DNAH12: variants seen among roughly 807,000 people sequenced by gnomAD.
DNAH12 encodes the protein dynein axonemal heavy chain 12.
In DNAH12, 285 loss-of-function variants were observed where a neutral mutation model predicts 371.5. The ratio of observed to expected loss-of-function variants is 0.77; its 90% CI spans 0.70 to 0.85. DNAH12 has a LOEUF of 0.85. Among genes scored for constraint, DNAH12 ranks in the 40% least tolerant of loss-of-function variants. The probability of loss-of-function intolerance (pLI) is 0.00; values close to 1 mark genes in which losing one functional copy is unlikely to be tolerated. For synonymous variants in DNAH12, 1,200 were observed against 1,213.0 expected, an observed-to-expected ratio of 0.99 and a Z score of 0.22; for missense variants, 3,611 against 3,689.4, an observed-to-expected ratio of 0.98 and a Z score of 0.55.
At position 57,386,509 on chromosome 3, in the gene DNAH12, G is replaced by C. The variant is rs2063502068; in HGVS notation, c.7534C>G (p.Gln2512Glu). Residue 2512 changes from glutamine (Q) to glutamate (E), a missense_variant, in exon 47 of 74, where the codon CAA becomes GAA. Coordinates refer to ENST00000495027, the MANE Select transcript of DNAH12 (RefSeq NM_001366028.2). ...CGTTGTTTTGCTTCCATGACAGCTTGTCGCTTCTGTGTCAAAAGCTGTCGA... is the reference window on the plus strand; with the variant it reads ...CGTTGTTTTGCTTCCATGACAGCTTCTCGCTTCTGTGTCAAAAGCTGTCGA... ...SFRQLLTQKRQAVMEAKQRYM... is the reference protein window; with the variant it reads ...SFRQLLTQKREAVMEAKQRYM... The C allele has an allele frequency of 2.0e-5, 3 of 152,126 alleles. No homozygotes were observed. The South Asian group carries it at 6.2e-4, about 32-fold the overall frequency. The allele number at this position is 152,126 out of a possible 1,614,324, so 9.4% of individuals were successfully genotyped here. A position where few individuals can be genotyped will look rare whatever the true frequency, so the allele number is the denominator to read the frequency against.
chr3:57,490,325 CTA>C (rs1256263802), intron 11 of DNAH12, among the ~76,000 whole-genome samples: 1 of 152,058 alleles, frequency 6.6e-6, no homozygotes, highest in Non-Finnish European at 1.5e-5. Flanking sequence ...GGGTAAGACT[CTA>C]TCTGTTAAAA....
Position 57,544,046 on chromosome 3 carries a change from C to CA in DNAH12, c.-34+150dup, listed in dbSNP as rs1054102787. ...TGGGCGATAAAGCGAGACTCCGTCT[C>CA]AAAAAAAAATTGTACTGTGATAACA... On this transcript the variant is annotated intron_variant, in intron 1 of 73. Coordinates refer to ENST00000495027, the MANE Select transcript of DNAH12 (RefSeq NM_001366028.2). Among the ~76,000 whole-genome samples, 287 of 151,456 alleles carry CA rather than the reference C, an allele frequency of 1.9e-3. 3 individuals carry two copies. The highest frequency in any genetic ancestry group is 6.4e-3 in the African/African-American group (264 of 41,342).
chr3:57,296,811 T>C, intron 71 of DNAH12, 36 bp downstream of exon 71: 1 of 1,542,354 alleles, frequency 6.5e-7, no homozygotes, highest in Non-Finnish European at 8.8e-7. Flanking sequence ...TGACTTAATG[T>C]AATGATATAC....
rs115823759 is a variant in DNAH12, at chr3:57,488,967, C to T, written c.1514+542G>A. On this transcript the variant is annotated intron_variant, in intron 12 of 73. Coordinates refer to ENST00000495027, the MANE Select transcript of DNAH12 (RefSeq NM_001366028.2). ...GTGTGTGTGTGTGTGTGTGCACGTG[C>T]GTGTGTGTACTAATTTTAAAATGAT... Among the ~76,000 whole-genome samples the T allele has an allele frequency of 3.6e-3, 542 of 149,994 alleles. 1 individual carries two copies. The highest frequency in any genetic ancestry group is 0.011 in the African/African-American group (451 of 41,200).
At chr3:57,429,239 C>G (rs2064880294) in intron 33 of DNAH12, among the ~76,000 whole-genome samples, 1 of 151,712 alleles carries the variant, frequency 6.6e-6, no homozygotes, top group Non-Finnish European at 1.5e-5. Context: ...TGCAATGGTA[C>G]CATCTCGGCT....
chr3:57,385,989 T>C (rs878997044), intron 47 of DNAH12, among the ~76,000 whole-genome samples: 98,377 of 151,864 alleles, frequency 0.65, 32,672 homozygotes, highest in Non-Finnish European at 0.74. Flanking sequence ...AGAGTATTCC[T>C]GATATATTAT....
chr3:57,461,442 T>C (rs1268653432), intron 19 of DNAH12, 47 bp downstream of exon 19: 7 of 1,530,134 alleles, frequency 4.6e-6, no homozygotes. Context: ...GTAATAGGAT[T>C]GCAATCCGTA....
intron 52 of DNAH12, among the ~76,000 whole-genome samples, chr3:57,378,700 T>TC (rs1354590419): frequency 2.6e-5 from 4 of 152,212 alleles, no homozygotes; most frequent in African/African-American, 4.8e-5. Flanking sequence ...CAGTGGGTAT[T>TC]CCATAAAAGG....
chr3:57,412,488 A>G (rs1390668689), intron 39 of DNAH12, among the ~76,000 whole-genome samples: 1 of 152,192 alleles, frequency 6.6e-6, no homozygotes, highest in Non-Finnish European at 1.5e-5. Flanking sequence ...AGACAATGTC[A>G]AGAGAATGAG....
At chr3:57,465,897 A>C (rs1288218860) in intron 17 of DNAH12, among the ~76,000 whole-genome samples, 2 of 152,158 alleles carry the variant, frequency 1.3e-5, no homozygotes, top group African/African-American at 2.4e-5. Flanking sequence ...AGAAATGAAA[A>C]TTCTCCTAGT....
chr3:57,364,289 G>A (rs1444111407), intron 57 of DNAH12, among the ~76,000 whole-genome samples: 2 of 152,232 alleles, frequency 1.3e-5, no homozygotes, highest in South Asian at 2.1e-4. Flanking sequence ...AATAGAATAA[G>A]TTATGACATG....
chr3:57,494,251 AC>A (rs2067230877), intron 11 of DNAH12, among the ~76,000 whole-genome samples: 1 of 151,770 alleles, frequency 6.6e-6, no homozygotes, highest in Non-Finnish European at 1.5e-5. Flanking sequence ...ACAAAACAAA[AC>A]AAAAATGTGT....
At chr3:57,553,386 G>C in the DNAH12 span, among the ~76,000 whole-genome samples, 1 of 152,150 alleles carries the variant, frequency 6.6e-6, no homozygotes. Context: ...CTGTGTCCTG[G>C]ATTTACATAC....
At chr3:57,372,561 C>T (rs2063197879) in intron 55 of DNAH12, among the ~76,000 whole-genome samples, 1 of 151,438 alleles carries the variant, frequency 6.6e-6, no homozygotes, top group Non-Finnish European at 1.5e-5. Flanking sequence ...TATAACAGCA[C>T]AAAAGACAGA....
chr3:57,483,927 G>A (rs1445330414), intron 12 of DNAH12, among the ~76,000 whole-genome samples: 1 of 139,996 alleles, frequency 7.1e-6, no homozygotes, highest in African/African-American at 2.8e-5. Flanking sequence ...CTCCAGTCTG[G>A]GTGACAGAGT....
chr3:57,474,940 C>T (rs1032063407), intron 13 of DNAH12, among the ~76,000 whole-genome samples: 12 of 150,426 alleles, frequency 8.0e-5, no homozygotes, highest in South Asian at 2.1e-4. Context: ...CGCGCCATTG[C>T]ACTCCAGCCT....
chr3:57,449,294 C>T (rs912127856), intron 25 of DNAH12, among the ~76,000 whole-genome samples: 4 of 152,218 alleles, frequency 2.6e-5, no homozygotes, highest in Non-Finnish European at 4.4e-5. Context: ...CTAGTGGATC[C>T]CACACCCGGG....
rs766318372 is a variant in DNAH12, at chr3:57,445,416, G to T, written c.4183C>A (p.Leu1395Ile). The T allele has an allele frequency of 2.6e-6, 4 of 1,514,918 alleles. No homozygotes were observed. Among genetic ancestry groups the T allele is most frequent in the Admixed American group, 2.4e-5 (1 of 40,888 alleles). 93.8% of individuals were successfully genotyped at this position (1,514,918 alleles called of 1,614,324 possible). Reference sequence around the variant, plus strand: ...ACCATCATAGCCACTGTTCTAAAAAGAACCTGAAGTATAAAATAAATGAAA... The same window carrying T: ...ACCATCATAGCCACTGTTCTAAAAATAACCTGAAGTATAAAATAAATGAAA... ...RSELPDNLKV[L>I]FRTVAMMVPN... The change falls in exon 28 of 74, where the codon CTT becomes ATT. Residue 1395 changes from leucine to isoleucine, a missense_variant. Leu to Ile is a conservative substitution (Grantham distance 5). Transcript: ENST00000495027.
intron 2 of DNAH12, among the ~76,000 whole-genome samples, chr3:57,528,008 T>G (rs1485121700): frequency 8.7e-6 from 1 of 114,488 alleles, no homozygotes; most frequent in Non-Finnish European, 1.8e-5. Context: ...TTTCGTAGTC[T>G]TAGATTTAAG....
Sources: gnomAD v4.1 joint callset for allele counts (sites outside exome capture counted in the v4.1 genomes callset) on GRCh38, gnomAD v4.1.1 for gene constraint, MANE v1.5 for transcripts, NCBI Gene and HGNC (gene_info 2026-07-23, HGNC 2026-07-21) for gene names.